Variants in MCM8 observed in about 807,000 individuals in gnomAD.
The protein encoded by MCM8 is DNA helicase MCM8.
MCM8 carries 85 observed loss-of-function variants against 98.9 expected under a neutral mutation model. The ratio of observed to expected loss-of-function variants is 0.86; its 90% CI spans 0.72 to 1.03. The LOEUF (loss-of-function observed/expected upper bound fraction) is 1.03. MCM8 is among the 50% of genes least tolerant of loss of function. MCM8 has a pLI of 0.00. For missense variants in MCM8, 951 were observed against 997.8 expected (o/e 0.95, Z 0.63); for synonymous variants, 352 against 338.6 (o/e 1.04, Z -0.44).
At chr20:5,993,267 A>G (rs915291466) in intron 17 of MCM8, among the ~76,000 whole-genome samples, 3 of 152,110 alleles carry the variant, frequency 2.0e-5, no homozygotes, top group African/African-American at 7.2e-5. Context: ...GTTTTTATGC[A>G]TTTCTCTCTC....
chr20:5,968,311 G>C (rs1054373157), intron 10 of MCM8, among the ~76,000 whole-genome samples: 1 of 152,194 alleles, frequency 6.6e-6, no homozygotes, highest in South Asian at 2.1e-4. Context: ...TTGGGAGGCC[G>C]AGGCAGGCGG....
At chr20:5,976,713 C>T (rs1017735300) in intron 12 of MCM8, among the ~76,000 whole-genome samples, 19 of 152,154 alleles carry the variant, frequency 1.2e-4, no homozygotes, top group African/African-American at 3.4e-4. Context: ...CATTCCTGGA[C>T]GTGCTTTGAG....
chr20:5,984,026 C>G (rs757100459), intron 14 of MCM8, among the ~76,000 whole-genome samples: 1 of 152,192 alleles, frequency 6.6e-6, no homozygotes, highest in Non-Finnish European at 1.5e-5. Flanking sequence ...CATTAACAAA[C>G]TTAAATATGT....
chr20:5,959,340 T>C (rs1207048749), intron 7 of MCM8, among the ~76,000 whole-genome samples: 1 of 152,244 alleles, frequency 6.6e-6, no homozygotes, highest in Non-Finnish European at 1.5e-5. Flanking sequence ...GCTCCCTAGA[T>C]GCAACCACTA....
At chr20:5,954,567 C>G (rs1490073014) in intron 3 of MCM8, 41 bp from the exon 4 acceptor site, 1 of 1,133,722 alleles carries the variant, frequency 8.8e-7, no homozygotes, top group Non-Finnish European at 1.3e-6. Context: ...GTGCATGTAC[C>G]TGTGTGATTA....
At position 5,977,981 on chromosome 20, in the gene MCM8, G is replaced by A. The variant is rs1161295487; in HGVS notation, c.1501G>A (p.Ala501Thr). The A allele has an allele frequency of 1.2e-6, 2 of 1,614,222 alleles. No individual in the cohort carries two copies. The highest frequency in any genetic ancestry group is 1.1e-5 in the South Asian group (1 of 91,084). The change falls in exon 13 of 19, where the codon GCT (alanine) becomes ACT (threonine). Residue 501 changes from alanine to threonine, a missense_variant. Physicochemically the swap from Ala to Thr is moderately conservative, Grantham distance 58. Coordinates refer to ENST00000610722, the MANE Select transcript of MCM8 (RefSeq NM_032485.6). ...AAAAGATAGTTCCTCTGGAGATTTT[G>A]CTTTGGAAGCTGGTGCCCTGGTACT... ...LSKDSSSGDF[A>T]LEAGALVLGD...
At chr20:5,983,201 T>C (rs758236727) in intron 14 of MCM8, 36 bp downstream of exon 14, 1 of 1,512,430 alleles carries the variant, frequency 6.6e-7, no homozygotes, top group African/African-American at 1.4e-5. Context: ...TTTAATGTAT[T>C]GAATCACTTT....
At position 5,997,061 on chromosome 20, in the gene MCM8, C is replaced by T. The variant is rs966236253; in HGVS notation, c.*2670C>T. On this transcript the variant is annotated 3_prime_UTR_variant, in exon 19 of 19. Transcript: ENST00000610722. Reference sequence around the variant, plus strand: ...CCTCTTGGGAGATGAAAGTAATCTTCCATAGGCAATTGTTTCTGTGTCACC... The same window carrying T: ...CCTCTTGGGAGATGAAAGTAATCTTTCATAGGCAATTGTTTCTGTGTCACC... The T allele has an allele frequency of 1.3e-5, 2 of 152,288 alleles. No homozygotes were observed. Among genetic ancestry groups the T allele is most frequent in the Non-Finnish European group, 2.9e-5 (2 of 68,118 alleles). 9.4% of individuals were successfully genotyped at this position (152,288 alleles called of 1,614,324 possible).
Position 5,958,669 on chromosome 20 carries a change from A to G in MCM8, c.732A>G (p.Ala244=). ...LCTKMAFLCA[A]CGEIQSFPLP... ...CCAAGATGGCTTTTCTTTGTGCTGC[A>G]TGTGGAGAAATTCAGAGCTTTCCTC... Residue 244 remains alanine (A), a synonymous_variant, in exon 7 of 19, where the codon GCA becomes GCG. Transcript: ENST00000610722. 6.2e-7 allele frequency: 1 copy of G among 1,614,172 alleles called. No homozygotes were observed.
intron 7 of MCM8, among the ~76,000 whole-genome samples, chr20:5,959,574 T>G (rs913482935): frequency 2.6e-5 from 4 of 152,174 alleles, no homozygotes; most frequent in Admixed American, 1.3e-4. Context: ...AATTTATCCA[T>G]TTTCCTGGAG....
intron 12 of MCM8, among the ~76,000 whole-genome samples, chr20:5,976,815 G>T (rs2122766102): frequency 6.6e-6 from 1 of 152,250 alleles, no homozygotes; most frequent in East Asian, 1.9e-4. Flanking sequence ...TCTCTGCTAG[G>T]AGAGAGTCAC....
chr20:5,963,893 A>T (rs929573577), intron 8 of MCM8, among the ~76,000 whole-genome samples: 1 of 152,190 alleles, frequency 6.6e-6, no homozygotes, highest in Non-Finnish European at 1.5e-5. Flanking sequence ...TTCATTATGC[A>T]AATATTGTGT....
At position 5,972,976 on chromosome 20, in the gene MCM8, A is replaced by G. The variant is rs1014835629; in HGVS notation, c.1255-80A>G. 8 of 1,479,588 alleles carry G rather than the reference A, an allele frequency of 5.4e-6. No individual in the cohort carries two copies. In the African/African-American group the frequency reaches 7.1e-5, roughly 13 times the overall value. The allele number at this position is 1,479,588 out of a possible 1,614,324, so 91.7% of individuals were successfully genotyped here. A position where few individuals can be genotyped will look rare whatever the true frequency, so the allele number is the denominator to read the frequency against. ...AACAATCCCCAAACAAATTAATATTATAGAAGGAGGAATACCCCCTTTACT... is the reference window on the plus strand; with the variant it reads ...AACAATCCCCAAACAAATTAATATTGTAGAAGGAGGAATACCCCCTTTACT... On this transcript the variant is annotated intron_variant, in intron 11 of 18. Transcript: ENST00000610722.
At position 5,972,012 on chromosome 20, in the gene MCM8, T is replaced by C. The variant is rs2089414222; in HGVS notation, c.1229T>C (p.Leu410Pro). The C allele has an allele frequency of 6.2e-7, 1 of 1,611,920 alleles. No homozygotes were observed. The highest frequency in any genetic ancestry group is 1.3e-5 in the African/African-American group (1 of 74,884). The change falls in exon 11 of 19, where the codon CTT (leucine) becomes CCT (proline). Residue 410 changes from leucine (L) to proline (P), a missense_variant. By Grantham distance (98) the Leu-to-Pro change is moderately conservative (BLOSUM62 -3). Coordinates refer to ENST00000610722, the MANE Select transcript of MCM8 (RefSeq NM_032485.6). ...ENLFKLIVNS[L>P]CPVIFGHELV... ...AGTTGTGTTCTGTTTTTCAGCTCGCTTTGCCCTGTCATTTTTGGTCATGAA... is the reference window on the plus strand; with the variant it reads ...AGTTGTGTTCTGTTTTTCAGCTCGCCTTGCCCTGTCATTTTTGGTCATGAA...
chr20:5,980,749 G>A (rs955912107), intron 13 of MCM8, among the ~76,000 whole-genome samples: 1 of 152,032 alleles, frequency 6.6e-6, no homozygotes, highest in African/African-American at 2.4e-5. Context: ...GCGCATGCCT[G>A]TAATCCCTGC....
At chr20:5,952,216 G>C in intron 2 of MCM8, 53 bp downstream of exon 2, 4 of 1,604,140 alleles carry the variant, frequency 2.5e-6, no homozygotes, top group Non-Finnish European at 3.4e-6. Context: ...AGCAATTCAC[G>C]TCTATCATAC....
At chr20:5,951,965 T>G (rs2088838370) in intron 1 of MCM8, 46 bp from the exon 2 acceptor site, 1 of 1,560,488 alleles carries the variant, frequency 6.4e-7, no homozygotes, top group African/African-American at 1.4e-5. Flanking sequence ...AGAGCACTAT[T>G]TTCCTTACAG....
rs149396179 is a variant in MCM8 at position 5,959,539 on chromosome 20, A to G, written c.789+813A>G. Among the ~76,000 whole-genome samples, 607 of 152,252 alleles carry G rather than the reference A, an allele frequency of 4.0e-3. 3 individuals carry two copies. Among genetic ancestry groups the G allele is most frequent in the African/African-American group, 0.014 (573 of 41,530 alleles). ...AATTCTTTCATTTTTACTATTGTGG[A>G]GTGTTGCTTTAAATAAATAGCCACA... On this transcript the variant is annotated intron_variant, in intron 7 of 18. Coordinates refer to ENST00000610722, the MANE Select transcript of MCM8 (RefSeq NM_032485.6).
At chr20:5,988,952 G>A (rs2089787623) in intron 17 of MCM8, among the ~76,000 whole-genome samples, 1 of 152,110 alleles carries the variant, frequency 6.6e-6, no homozygotes, top group South Asian at 2.1e-4. Flanking sequence ...TCAACCTGGA[G>A]CTGCCATGGC....
Sources: gnomAD v4.1 joint callset for allele counts (sites outside exome capture counted in the v4.1 genomes callset) on GRCh38, gnomAD v4.1.1 for gene constraint, MANE v1.5 for transcripts, NCBI Gene and HGNC (gene_info 2026-07-23, HGNC 2026-07-21) for gene names.